OR14I1: variants seen among roughly 807,000 people sequenced by gnomAD.
OR14I1 encodes olfactory receptor 14I1.
For missense variants in OR14I1, 279 were observed against 181.8 expected, an observed-to-expected ratio of 1.53 and a Z score of -3.07; for synonymous variants, 118 against 71.1, an observed-to-expected ratio of 1.66 and a Z score of -3.32.
chr1:248,686,757 C>G (rs981576259), upstream of OR14I1, among the ~76,000 whole-genome samples: 2 of 121,548 alleles, frequency 1.6e-5, no homozygotes, highest in Admixed American at 7.9e-5. Context: ...AATACAAGAC[C>G]AGCAATACCT....
chr1:248,682,202 C>A (rs775557346), exon 1 of OR14I1: 1 of 780,982 alleles, frequency 1.3e-6, no homozygotes, highest in Non-Finnish European at 2.4e-6. Context: ...ACCAGCACTG[C>A]CAGATAAATC....
chr1:248,681,485 G>C, exon 1 of OR14I1: 1 of 781,008 alleles, frequency 1.3e-6, no homozygotes, highest in Non-Finnish European at 2.4e-6. Context: ...GTGTATGTCA[G>C]AGCAATCACT....
At chr1:248,681,558 A>T (rs768856816) in exon 1 of OR14I1, 1 of 781,054 alleles carries the variant, frequency 1.3e-6, no homozygotes, top group Non-Finnish European at 2.4e-6. Flanking sequence ...CTGTGGTAAG[A>T]AAGAGCATGA....
upstream of OR14I1, among the ~76,000 whole-genome samples, chr1:248,685,158 T>C (rs1042421493): frequency 6.6e-6 from 1 of 151,968 alleles, no homozygotes; most frequent in African/African-American, 2.4e-5. Context: ...TTTGACATTA[T>C]AGATTAAATA....
At chr1:248,696,010 CAT>C in the OR14I1 span, among the ~76,000 whole-genome samples, 6 of 152,296 alleles carry the variant, frequency 3.9e-5, no homozygotes, top group South Asian at 4.1e-4. Context: ...CCATCGCGAT[CAT>C]GTGTGTGGAC....
chr1:248,695,654 G>A, the OR14I1 span, among the ~76,000 whole-genome samples: 5 of 152,100 alleles, frequency 3.3e-5, no homozygotes, highest in Non-Finnish European at 5.9e-5. Context: ...GCATGTGGGC[G>A]TCTCTAGTCT....
At chr1:248,693,780 TAA>T in the OR14I1 span, among the ~76,000 whole-genome samples, 17 of 142,058 alleles carry the variant, frequency 1.2e-4, no homozygotes, top group East Asian at 2.1e-4. Flanking sequence ...AAAGCTCATT[TAA>T]AAAAAAAAAA....
the OR14I1 span, among the ~76,000 whole-genome samples, chr1:248,689,342 G>A: frequency 6.6e-6 from 1 of 152,022 alleles, no homozygotes; most frequent in Admixed American, 6.6e-5. Context: ...TAGAGCCCTT[G>A]GATTCAAAAA....
chr1:248,696,580 C>T, the OR14I1 span, among the ~76,000 whole-genome samples: 6 of 152,162 alleles, frequency 3.9e-5, no homozygotes, highest in Non-Finnish European at 8.8e-5. Context: ...GTATCCTGTG[C>T]ATTCTGCCAC....
downstream of OR14I1, among the ~76,000 whole-genome samples, chr1:248,680,042 T>G (rs1661532719): frequency 6.6e-6 from 1 of 152,210 alleles, no homozygotes; most frequent in Admixed American, 6.5e-5. Flanking sequence ...AAATTTTATA[T>G]AAAATAGTTG....
At chr1:248,698,312 G>A in the OR14I1 span, among the ~76,000 whole-genome samples, 2 of 152,240 alleles carry the variant, frequency 1.3e-5, no homozygotes, top group Admixed American at 6.5e-5. Context: ...TATGTGCCAT[G>A]TGAAAGAATA....
the OR14I1 span, among the ~76,000 whole-genome samples, chr1:248,696,114 T>C: frequency 6.6e-6 from 1 of 152,104 alleles, no homozygotes; most frequent in African/African-American, 2.4e-5. Flanking sequence ...AATCCCAGGA[T>C]TCTTGGTAGC....
upstream of OR14I1, among the ~76,000 whole-genome samples, chr1:248,683,329 T>C (rs1454656091): frequency 6.6e-6 from 1 of 152,246 alleles, no homozygotes; most frequent in Non-Finnish European, 1.5e-5. Flanking sequence ...TAAAATTAGT[T>C]TTTCTGCATC....
At chr1:248,684,757 C>CATATATATATATATAT (rs376621560), upstream of OR14I1, among the ~76,000 whole-genome samples, 31 of 145,062 alleles carry the variant, frequency 2.1e-4, no homozygotes, top group African/African-American at 7.6e-4. Flanking sequence ...CACACACATA[C>CATATATATATATATAT]ATATATATAT....
the OR14I1 span, among the ~76,000 whole-genome samples, chr1:248,688,492 C>T: frequency 6.6e-6 from 1 of 152,208 alleles, no homozygotes; most frequent in African/African-American, 2.4e-5. Flanking sequence ...TTTTCCAACC[C>T]ACCTTCTGTC....
At chr1:248,690,141 G>A in the OR14I1 span, among the ~76,000 whole-genome samples, 1 of 151,992 alleles carries the variant, frequency 6.6e-6, no homozygotes, top group Non-Finnish European at 1.5e-5. Context: ...ATCTAAAATC[G>A]ACACCCTAAC....
chr1:248,695,260 G>A, the OR14I1 span, among the ~76,000 whole-genome samples: 1 of 136,506 alleles, frequency 7.3e-6, no homozygotes, highest in Non-Finnish European at 1.5e-5. Flanking sequence ...TTGAGAGGGA[G>A]TCTCGCTCTG....
chr1:248,698,175 T>C, the OR14I1 span, among the ~76,000 whole-genome samples: 2 of 152,220 alleles, frequency 1.3e-5, no homozygotes, highest in Non-Finnish European at 2.9e-5. Flanking sequence ...GTTGGTCTCT[T>C]GGATTCTTAT....
the OR14I1 span, among the ~76,000 whole-genome samples, chr1:248,688,173 C>T: frequency 2.6e-5 from 4 of 152,200 alleles, no homozygotes; most frequent in African/African-American, 9.6e-5. Flanking sequence ...CTCAAAAGCA[C>T]AGAGCTTGGA....
Sources: allele counts gnomAD v4.1 joint callset (sites outside exome capture counted in the v4.1 genomes callset), GRCh38; gene constraint gnomAD v4.1.1; transcripts MANE v1.5; gene names NCBI Gene and HGNC (gene_info 2026-07-23, HGNC 2026-07-21).